SPAG9: variants seen among roughly 807,000 people sequenced by gnomAD.
The protein encoded by SPAG9 is sperm associated antigen 9.
SPAG9 carries 35 observed loss-of-function variants against 166.5 expected under a neutral mutation model. The ratio of observed to expected loss-of-function variants is 0.21; its 90% CI spans 0.16 to 0.28. The LOEUF (loss-of-function observed/expected upper bound fraction) is 0.28. SPAG9 is among the 10% of genes least tolerant of loss of function. The probability of loss-of-function intolerance (pLI) is 1.00; values close to 1 mark genes in which losing one functional copy is unlikely to be tolerated. For synonymous variants in SPAG9, 534 were observed against 565.5 expected, an observed-to-expected ratio of 0.94 and a Z score of 0.79; for missense variants, 1,235 against 1,603.3, an observed-to-expected ratio of 0.77 and a Z score of 3.92.
At chr17:50,999,403 G>A (rs1414899208) in intron 14 of SPAG9, 1 of 1,193,024 alleles carries the variant, frequency 8.4e-7, no homozygotes, top group African/African-American at 1.6e-5. Context: ...TTTGGCAGAG[G>A]ATTGCAACAA....
chr17:51,005,097 T>A (rs1459009298), intron 12 of SPAG9, 115 bp downstream of exon 12: 5 of 839,700 alleles, frequency 6.0e-6, no homozygotes, highest in Non-Finnish European at 9.5e-6. Flanking sequence ...CATAAACATG[T>A]CTCCTGACTT....
chr17:51,066,425 A>T (rs1006862880), intron 2 of SPAG9, among the ~76,000 whole-genome samples: 13 of 151,778 alleles, frequency 8.6e-5, no homozygotes, highest in Non-Finnish European at 1.6e-4. Flanking sequence ...TTATGTTTTA[A>T]AAATAGTTTA....
In SPAG9 at chr17:50,964,242, G is replaced by C. The variant is rs1414335218; in HGVS notation, c.*2030C>G. On this transcript the variant is annotated 3_prime_UTR_variant, in exon 30 of 30. Coordinates refer to ENST00000262013, the MANE Select transcript of SPAG9 (RefSeq NM_001130528.3). ...TTTCAGTAGTCCTTCTGATGATTGGGGGCCTTTATCCCATAGGTTTATACT... is the reference window on the plus strand; with the variant it reads ...TTTCAGTAGTCCTTCTGATGATTGGCGGCCTTTATCCCATAGGTTTATACT... 2 of 152,062 alleles carry C rather than the reference G, an allele frequency of 1.3e-5. No individual in the cohort carries two copies. The highest frequency in any genetic ancestry group is 2.9e-5 in the Non-Finnish European group (2 of 68,020). 9.4% of individuals were successfully genotyped at this position (152,062 alleles called of 1,614,324 possible).
chr17:50,962,467 CTT>C lies in SPAG9; in HGVS notation c.*3803_*3804del, dbSNP rs1973178848. The C allele has an allele frequency of 6.6e-6, 1 of 152,162 alleles. No individual in the cohort carries two copies. The highest frequency in any genetic ancestry group is 1.5e-5 in the Non-Finnish European group (1 of 68,020). The allele number at this position is 152,162 out of a possible 1,614,324, so 9.4% of individuals were successfully genotyped here. A position where few individuals can be genotyped will look rare whatever the true frequency, so the allele number is the denominator to read the frequency against. ...GAAATGTATGACAAAATTAATAAAA[CTT>C]AATCTTTTAAGAGAAAAGACAGACA... On this transcript the variant is annotated 3_prime_UTR_variant, in exon 30 of 30. Coordinates refer to ENST00000262013, the MANE Select transcript of SPAG9 (RefSeq NM_001130528.3).
rs200258056 is a variant in SPAG9, at chr17:51,096,022, G to GATATATATATATATAGTGAT, written c.304-16319_304-16318insATCACTATATATATATATAT. ...ATATATAGTGATATATATATATAGT[G>GATATATATATATATAGTGAT]ATATATATATATAGTGATATATATA... On this transcript the variant is annotated intron_variant, in intron 1 of 29. Coordinates refer to ENST00000262013, the MANE Select transcript of SPAG9 (RefSeq NM_001130528.3). Among the ~76,000 whole-genome samples, 20 of 95,260 alleles carry GATATATATATATATAGTGAT rather than the reference G, an allele frequency of 2.1e-4. 1 individual carries two copies. The highest frequency in any genetic ancestry group is 7.8e-4 in the East Asian group (3 of 3,830). 62.5% of individuals were successfully genotyped at this position (95,260 alleles called of 152,430 possible).
At chr17:51,059,038 T>C (rs1287987483) in intron 2 of SPAG9, among the ~76,000 whole-genome samples, 2 of 152,206 alleles carry the variant, frequency 1.3e-5, no homozygotes, top group Non-Finnish European at 2.9e-5. Context: ...TAAATATTCA[T>C]GTACTGGAAT....
chr17:51,075,157 T>C (rs1046454712), intron 2 of SPAG9, among the ~76,000 whole-genome samples: 1 of 133,926 alleles, frequency 7.5e-6, no homozygotes, highest in African/African-American at 2.9e-5. Flanking sequence ...TATCATGCCA[T>C]TGCATTCCAG....
intron 27 of SPAG9, chr17:50,976,770 T>A (rs913762160): frequency 5.3e-5 from 10 of 188,592 alleles, no homozygotes; most frequent in Non-Finnish European, 9.8e-5. Flanking sequence ...TAAGGAGATA[T>A]GAAAAACTAA....
intron 1 of SPAG9, among the ~76,000 whole-genome samples, chr17:51,109,125 G>C (rs1316327941): frequency 6.6e-6 from 1 of 151,904 alleles, no homozygotes; most frequent in African/African-American, 2.4e-5. Context: ...GACTCCCCAA[G>C]TGCTAAGATT....
intron 1 of SPAG9, among the ~76,000 whole-genome samples, chr17:51,089,432 C>T (rs1019221072): frequency 1.3e-5 from 2 of 149,898 alleles, no homozygotes; most frequent in Non-Finnish European, 3.0e-5. Context: ...CTCAAAAAAA[C>T]AAAAAAACAA....
rs573043508 is a variant in SPAG9 at position 51,065,903 on chromosome 17, G to A, written c.425-9421C>T. ...TAAAGGGGGAAATGCCCATGTCTCC[G>A]CAAAAGCCACCCACTTATCTGAAAC... is the stretch of plus-strand genomic sequence containing the variant. On this transcript the variant is annotated intron_variant, in intron 2 of 29. Coordinates refer to ENST00000262013, the MANE Select transcript of SPAG9 (RefSeq NM_001130528.3). Among the ~76,000 whole-genome samples the A allele has an allele frequency of 3.3e-5, 5 of 152,220 alleles. No individual in the cohort carries two copies. The East Asian group carries it at 9.6e-4, about 29-fold the overall frequency.
intron 28 of SPAG9, among the ~76,000 whole-genome samples, chr17:50,973,862 C>T (rs990270307): frequency 6.6e-6 from 1 of 152,172 alleles, no homozygotes; most frequent in East Asian, 1.9e-4. Flanking sequence ...CTCCAGCCTG[C>T]CAGCCTGCCC....
intron 11 of SPAG9, among the ~76,000 whole-genome samples, chr17:51,005,788 T>G (rs1438313595): frequency 2.0e-5 from 3 of 152,178 alleles, no homozygotes; most frequent in African/African-American, 7.2e-5. Flanking sequence ...GAGGCAGAGG[T>G]TGCAGTGAGC....
At chr17:50,970,582 C>A in intron 29 of SPAG9, 125 bp downstream of exon 29, 1 of 673,580 alleles carries the variant, frequency 1.5e-6, no homozygotes, top group Non-Finnish European at 2.3e-6. Flanking sequence ...AAAATCCTTT[C>A]GTGTGTAAAG....
intron 13 of SPAG9, among the ~76,000 whole-genome samples, chr17:51,000,729 A>G (rs2044901547): frequency 6.7e-6 from 1 of 148,904 alleles, no homozygotes; most frequent in Admixed American, 6.8e-5. Context: ...AGACTCCATC[A>G]CAAGACTCCA....
chr17:51,029,040 C>A (rs2046293858), intron 6 of SPAG9, among the ~76,000 whole-genome samples: 1 of 152,034 alleles, frequency 6.6e-6, no homozygotes, highest in Admixed American at 6.6e-5. Context: ...TTTTATAGCC[C>A]CATTTTCCCC....
intron 8 of SPAG9, 29 bp downstream of exon 8, chr17:51,020,130 A>C: frequency 1.4e-6 from 2 of 1,406,754 alleles, no homozygotes; most frequent in Non-Finnish European, 2.0e-6. Flanking sequence ...GGGGGCGCAG[A>C]ATATGTCTTC....
Position 51,021,342 on chromosome 17 carries a change from T to C in SPAG9, c.807A>G (p.Gln269=), listed in dbSNP as rs753039787. ...EQEDELSDVS[Q]GGSKATTPAS... is the part of the protein sequence containing the mutation. ...CTGGAGTGGTAGCTTTAGATCCGCC[T>C]TGGCTAACATCAGAAAGCTCATCCT... The change falls in exon 7 of 30, where the codon CAA becomes CAG. Residue 269 remains glutamine, a synonymous_variant. Transcript: ENST00000262013. 5.0e-6 allele frequency: 8 copies of C among 1,612,690 alleles called. No individual in the cohort carries two copies. In the African/African-American group the frequency reaches 1.1e-4, roughly 22 times the overall value.
chr17:51,113,353 C>CAAAAAAAAA (rs34917845), intron 1 of SPAG9, among the ~76,000 whole-genome samples: 2 of 95,894 alleles, frequency 2.1e-5, no homozygotes, highest in Non-Finnish European at 4.2e-5. Context: ...AATGCCATAT[C>CAAAAAAAAA]AAAAAAAAAA....
Sources: allele counts gnomAD v4.1 joint callset (sites outside exome capture counted in the v4.1 genomes callset), GRCh38; gene constraint gnomAD v4.1.1; transcripts MANE v1.5; gene names NCBI Gene and HGNC (gene_info 2026-07-23, HGNC 2026-07-21).